Variants in ADAMTS2 observed in about 807,000 individuals in gnomAD.
ADAMTS2 encodes A disintegrin and metalloproteinase with thrombospondin motifs 2.
ADAMTS2 carries 50 observed loss-of-function variants against 123.0 expected under a neutral mutation model. The observed-to-expected ratio is 0.41, with a 90% CI of 0.32 to 0.51. The LOEUF (loss-of-function observed/expected upper bound fraction) is 0.51, where lower values mean the gene tolerates loss of function less well. ADAMTS2 is among the 20% of genes least tolerant of loss of function. ADAMTS2 has a pLI of 0.35. For missense variants in ADAMTS2, 1,494 were observed against 1,705.2 expected, an observed-to-expected ratio of 0.88 and a Z score of 2.18; for synonymous variants, 678 against 695.4, an observed-to-expected ratio of 0.98 and a Z score of 0.39.
intron 5 of ADAMTS2, among the ~76,000 whole-genome samples, chr5:179,165,667 T>C (rs774648595): frequency 1.6e-4 from 24 of 152,264 alleles, no homozygotes; most frequent in Admixed American, 2.6e-4. Flanking sequence ...TAGATGGTGC[T>C]GTATGACCGG....
At chr5:179,208,380 C>T (rs1225048886) in intron 3 of ADAMTS2, among the ~76,000 whole-genome samples, 2 of 152,168 alleles carry the variant, frequency 1.3e-5, no homozygotes, top group Non-Finnish European at 2.9e-5. Context: ...AGGTCCCGGG[C>T]CCCCTCCCCA....
Position 179,158,945 on chromosome 5 carries a change from CA to C in ADAMTS2, c.976-67del. 1 of 1,577,554 alleles carries C rather than the reference CA, an allele frequency of 6.3e-7. No individual in the cohort carries two copies. The highest frequency in any genetic ancestry group is 8.6e-7 in the Non-Finnish European group (1 of 1,159,866). On this transcript the variant is annotated intron_variant, in intron 5 of 21. Coordinates refer to ENST00000251582, the MANE Select transcript of ADAMTS2 (RefSeq NM_014244.5). This position sits in a 1 kb window ranked among gnomAD's most constrained non-coding sequence, Gnocchi z 5.0. ...CCTGGTGGCCCAGTGGGGGGCCGAG[CA>C]GGCTGTAGTGTTGACAGACCCCATC...
rs1362194746 is a variant in ADAMTS2, at chr5:179,181,457, T to C, written c.892-302A>G. On this transcript the variant is annotated intron_variant, in intron 4 of 21. Coordinates refer to ENST00000251582, the MANE Select transcript of ADAMTS2 (RefSeq NM_014244.5). This position sits in a 1 kb window ranked among gnomAD's most constrained non-coding sequence, Gnocchi z 4.1. ...GTGGGCAGGGAAAGCAGCCCTACGC[T>C]TGCTGTAGCCTCCAGCTGAAACACA... Among the ~76,000 whole-genome samples, 2 of 152,120 alleles carry C rather than the reference T, an allele frequency of 1.3e-5. No homozygotes were observed. Among genetic ancestry groups the C allele is most frequent in the Non-Finnish European group, 2.9e-5 (2 of 68,030 alleles).
chr5:179,171,608 G>A (rs1763815214), intron 5 of ADAMTS2, among the ~76,000 whole-genome samples: 1 of 152,192 alleles, frequency 6.6e-6, no homozygotes, highest in African/African-American at 2.4e-5. Flanking sequence ...TCCCCGGGAT[G>A]GAGCGGACCC....
Position 179,181,032 on chromosome 5 carries a change from A to AG in ADAMTS2, c.975+39dup. The AG allele has an allele frequency of 6.6e-7, 1 of 1,526,380 alleles. No individual in the cohort carries two copies. Among genetic ancestry groups the AG allele is most frequent in the Non-Finnish European group, 9.1e-7 (1 of 1,101,010 alleles). The allele number at this position is 1,526,380 out of a possible 1,614,324, so 94.6% of individuals were successfully genotyped here. Reference sequence around the variant, plus strand: ...CCTCACTCCCAGGCCCCTCACTCCGAGGGGGTGGAGGCAGGCCCGGCTGGC... The same window carrying AG: ...CCTCACTCCCAGGCCCCTCACTCCGAGGGGGGTGGAGGCAGGCCCGGCTGGC... On this transcript the variant is annotated intron_variant, in intron 5 of 21. Transcript: ENST00000251582. This position sits in a 1 kb window ranked among gnomAD's most constrained non-coding sequence, Gnocchi z 4.1.
At position 179,186,762 on chromosome 5, in the gene ADAMTS2, C is replaced by A. The variant is rs1367305953; in HGVS notation, c.892-5607G>T. Among the ~76,000 whole-genome samples the A allele has an allele frequency of 2.0e-5, 3 of 152,044 alleles. No homozygotes were observed. In the South Asian group the frequency reaches 6.2e-4, roughly 32 times the overall value. ...CTGCCTCCTGCACATCCCCCTCCTC[C>A]CCCGGCCCCACCCACTTTCTCTGCC... On this transcript the variant is annotated intron_variant, in intron 4 of 21. Transcript: ENST00000251582.
intron 3 of ADAMTS2, among the ~76,000 whole-genome samples, chr5:179,254,904 C>T (rs796941452): frequency 4.6e-5 from 7 of 152,348 alleles, no homozygotes; most frequent in African/African-American, 1.7e-4. Context: ...CAGTGCCCAG[C>T]AGGGCGCTGG....
chr5:179,275,265 C>T (rs1766663827), intron 2 of ADAMTS2, among the ~76,000 whole-genome samples: 1 of 152,036 alleles, frequency 6.6e-6, no homozygotes, highest in African/African-American at 2.4e-5. Flanking sequence ...GGTAATGGTC[C>T]AGACGGGAGC....
In ADAMTS2 at chr5:179,344,028, C is replaced by G. The variant is rs768036305; in HGVS notation, c.273G>C (p.Pro91=). The G allele has an allele frequency of 4.3e-6, 7 of 1,612,400 alleles. No homozygotes were observed. Among genetic ancestry groups the G allele is most frequent in the African/African-American group, 1.3e-5 (1 of 74,932 alleles). The change falls in exon 2 of 22, where the codon CCG becomes CCC. Residue 91 remains proline, a synonymous_variant. Transcript: ENST00000251582. ...CTCCGGGGAAGCTCGGGGTCCGGAC[C>G]GGGGCGGCCCTGCGGGCTCGTACCC... ...RAGVRARRAA[P]VRTPSFPGGN... is the part of the protein sequence containing the mutation.
intron 2 of ADAMTS2, among the ~76,000 whole-genome samples, chr5:179,334,228 C>T (rs558918308): frequency 1.3e-5 from 2 of 152,132 alleles, no homozygotes; most frequent in Non-Finnish European, 2.9e-5. Context: ...GGTGCTGGCT[C>T]CCCCACCTTC....
rs3776813 is a variant in ADAMTS2, at chr5:179,135,642, C to T, written c.2085+267G>A. ...CTAAAAATTCATGCTCCCAGGCCGC[C>T]ACCACCGTGACCTGTGGAATCAGGA... is the stretch of plus-strand genomic sequence containing the variant. On this transcript the variant is annotated intron_variant, in intron 13 of 21. Coordinates refer to ENST00000251582, the MANE Select transcript of ADAMTS2 (RefSeq NM_014244.5). 0.24 allele frequency among the ~76,000 whole-genome samples: 36,087 copies of T among 151,872 alleles called. 4,380 individuals are homozygous for T. Among genetic ancestry groups the T allele is most frequent in the African/African-American group, 0.25 (10,499 of 41,404 alleles).
Position 179,344,236 on chromosome 5 carries a change from G to GC in ADAMTS2, c.140-76dup, listed in dbSNP as rs576131578. 5.0e-4 allele frequency: 753 copies of GC among 1,507,434 alleles called. 9 individuals carry two copies. The South Asian group carries it at 7.4e-3, about 15-fold the overall frequency. The allele number at this position is 1,507,434 out of a possible 1,614,324, so 93.4% of individuals were successfully genotyped here. A position where few individuals can be genotyped will look rare whatever the true frequency, so the allele number is the denominator to read the frequency against. On this transcript the variant is annotated intron_variant, in intron 1 of 21. Transcript: ENST00000251582. ...CCTCAGAGACCCGCCGGCAAGCCAC[G>GC]CCCCCCCAGACCCCGCCCCACTGCG...
chr5:179,343,724 C>T (rs1481169349), intron 2 of ADAMTS2, 43 bp downstream of exon 2: 4 of 1,594,602 alleles, frequency 2.5e-6, no homozygotes, highest in Non-Finnish European at 3.4e-6. Context: ...AAAACCCAGG[C>T]GAGAGCAGCG....
chr5:179,238,765 G>A (rs555150751), intron 3 of ADAMTS2, among the ~76,000 whole-genome samples: 73 of 152,116 alleles, frequency 4.8e-4, no homozygotes, highest in Non-Finnish European at 9.0e-4. Flanking sequence ...TGGCCCGGGT[G>A]CTGGGTGCTG....
intron 3 of ADAMTS2, among the ~76,000 whole-genome samples, chr5:179,214,689 T>TA (rs1477102687): frequency 1.3e-5 from 2 of 152,142 alleles, no homozygotes; most frequent in Non-Finnish European, 2.9e-5. Flanking sequence ...AGTAGTATAA[T>TA]ATAGTCTAAG....
intron 3 of ADAMTS2, among the ~76,000 whole-genome samples, chr5:179,261,120 T>C (rs539531945): frequency 1.3e-5 from 2 of 152,220 alleles, no homozygotes; most frequent in African/African-American, 4.8e-5. Flanking sequence ...GTATCGAACA[T>C]GACAGAAAGT....
intron 4 of ADAMTS2, among the ~76,000 whole-genome samples, chr5:179,204,759 G>A (rs970502290): frequency 6.6e-6 from 1 of 152,210 alleles, no homozygotes; most frequent in Admixed American, 6.5e-5. Context: ...CTTGCAGTGG[G>A]AGCTGGGGCT....
At chr5:179,341,907 A>G (rs1554099739) in intron 2 of ADAMTS2, among the ~76,000 whole-genome samples, 1 of 152,044 alleles carries the variant, frequency 6.6e-6, no homozygotes, top group Non-Finnish European at 1.5e-5. Flanking sequence ...CACACCTGGT[A>G]CCTCTGCACA....
chr5:179,269,400 G>A (rs886358834), intron 3 of ADAMTS2, among the ~76,000 whole-genome samples: 3 of 115,948 alleles, frequency 2.6e-5, no homozygotes, highest in Non-Finnish European at 5.5e-5. Context: ...CACATGGCTG[G>A]GGAGGCCTCA....
Sources: gnomAD v4.1 joint callset for allele counts (sites outside exome capture counted in the v4.1 genomes callset) on GRCh38, gnomAD v4.1.1 for gene constraint, Gnocchi (gnomAD v3.1) non-coding constraint, MANE v1.5 for transcripts, NCBI Gene and HGNC (gene_info 2026-07-23, HGNC 2026-07-21) for gene names.